HPN: variants seen among roughly 807,000 people sequenced by gnomAD.
The protein encoded by HPN is hepsin.
In HPN, 13 loss-of-function variants were observed where a neutral mutation model predicts 55.9. The observed-to-expected ratio is 0.23, with a 90% confidence interval of 0.15 to 0.37. HPN has a LOEUF of 0.37. Ranked by LOEUF, HPN falls within the 10% of genes least tolerant of loss-of-function variation. The pLI is 1.00. For synonymous variants in HPN, 225 were observed against 240.3 expected, an observed-to-expected ratio of 0.94 and a Z score of 0.59; for missense variants, 451 against 575.8, an observed-to-expected ratio of 0.78 and a Z score of 2.22.
At chr19:35,052,397 G>A (rs542599416) in intron 4 of HPN, among the ~76,000 whole-genome samples, 29 of 151,884 alleles carry the variant, frequency 1.9e-4, no homozygotes, top group South Asian at 2.1e-4. Flanking sequence ...GCGTGGTGGC[G>A]GGCGCCTGTA....
At chr19:35,062,206 G>A (rs2064543698) in intron 9 of HPN, among the ~76,000 whole-genome samples, 1 of 152,186 alleles carries the variant, frequency 6.6e-6, no homozygotes, top group Non-Finnish European at 1.5e-5. Context: ...GGTGGGAGGT[G>A]GGGATGGGAG....
chr19:35,049,123 G>A lies in HPN; in HGVS notation c.17-167G>A, dbSNP rs544270508. ...GGGCACCTGGTTGTTCACACGGCAG[G>A]GGAGGAACAGCCCTGTCAACTGCTG... On this transcript the variant is annotated intron_variant, in intron 2 of 12. Coordinates refer to ENST00000672452, the MANE Select transcript of HPN (RefSeq NM_001384133.1). 1.8e-5 allele frequency: 8 copies of A among 449,538 alleles called. No individual in the cohort carries two copies. In the Admixed American group the frequency reaches 2.9e-4, roughly 16 times the overall value. 27.8% of individuals were successfully genotyped at this position (449,538 alleles called of 1,614,324 possible). A position where few individuals can be genotyped will look rare whatever the true frequency, so the allele number is the denominator to read the frequency against.
chr19:35,049,389 T>C lies in HPN; in HGVS notation c.116T>C (p.Ile39Thr), dbSNP rs1316245120. 1.2e-6 allele frequency: 2 copies of C among 1,605,580 alleles called. No individual in the cohort carries two copies. Among genetic ancestry groups the C allele is most frequent in the East Asian group, 2.2e-5 (1 of 44,714 alleles). ...GCCATCGGGGCGGCATCCTGGGCCA[T>C]TGGTGAGAGCGGTTCCTGTGCCTCT... Reference protein sequence around the residue: ...LTAIGAASWAIVAVLLRSDQE... With the variant: ...LTAIGAASWATVAVLLRSDQE... Residue 39 changes from isoleucine (I) to threonine (T), a missense_variant and splice_region_variant, in exon 3 of 13, where the codon ATT (isoleucine) becomes ACT (threonine). Ile to Thr is a moderately conservative substitution (Grantham distance 89). Coordinates refer to ENST00000672452, the MANE Select transcript of HPN (RefSeq NM_001384133.1).
rs1031505999 is a variant in HPN at position 35,066,466 on chromosome 19, C to T, written c.*179C>T. On this transcript the variant is annotated 3_prime_UTR_variant, in exon 13 of 13. Transcript: ENST00000672452. ...CCCACTCAGCCCCGAGACCACCCAA[C>T]CTCACCCTCCTGACCCCCATGTAAA... The T allele has an allele frequency of 1.4e-6, 1 of 712,252 alleles. No individual in the cohort carries two copies. Among genetic ancestry groups the T allele is most frequent in the African/African-American group, 1.8e-5 (1 of 56,032 alleles). 44.1% of individuals were successfully genotyped at this position (712,252 alleles called of 1,614,324 possible).
In HPN at chr19:35,042,488, A is replaced by G. The variant is rs2064304020; in HGVS notation, c.-19A>G. The G allele has an allele frequency of 6.2e-7, 1 of 1,607,414 alleles. No individual in the cohort carries two copies. The stretch of plus-strand genomic sequence containing the variant: ...GGCCCAGGAGGTCAGCCAGGGAATC[A>G]TTAACAAGAGGCAGTGACATGGCGC... On this transcript the variant is annotated 5_prime_UTR_variant, in exon 2 of 13. Transcript: ENST00000672452.
chr19:35,057,713 G>C (rs2151762768), intron 4 of HPN, among the ~76,000 whole-genome samples: 1 of 152,238 alleles, frequency 6.6e-6, no homozygotes, highest in South Asian at 2.1e-4. Context: ...CTTGAACATT[G>C]CTAAAAGATA....
At chr19:35,042,088 G>A in intron 1 of HPN, 1 of 1,121,772 alleles carries the variant, frequency 8.9e-7, no homozygotes, top group Non-Finnish European at 1.1e-6. Flanking sequence ...AGACCCAGGA[G>A]TTCCAGCCCT....
At chr19:35,059,434 A>G (rs2064497380) in intron 4 of HPN, 3 of 654,030 alleles carry the variant, frequency 4.6e-6, no homozygotes, top group East Asian at 5.9e-5. Flanking sequence ...GTGAGCCAAG[A>G]TCACACCACT....
chr19:35,047,291 G>C (rs928109926), intron 2 of HPN, among the ~76,000 whole-genome samples: 1 of 152,222 alleles, frequency 6.6e-6, no homozygotes. Context: ...TGACATAAGA[G>C]AGCCTGCTTA....
At chr19:35,047,090 A>G (rs939425467) in intron 2 of HPN, among the ~76,000 whole-genome samples, 10 of 151,900 alleles carry the variant, frequency 6.6e-5, no homozygotes, top group Non-Finnish European at 1.3e-4. Context: ...GGCCTCCCAA[A>G]GTGCTGGGAT....
chr19:35,051,300 G>T lies in HPN; in HGVS notation c.160+1784G>T, dbSNP rs368932162. Among the ~76,000 whole-genome samples the T allele has an allele frequency of 9.1e-4, 139 of 152,072 alleles. 2 individuals are homozygous for T. The South Asian group carries it at 0.027, about 30-fold the overall frequency. On this transcript the variant is annotated intron_variant, in intron 4 of 12. Transcript: ENST00000672452. Reference sequence around the variant, plus strand: ...ATTTTTGTATTTTTAGTAGAGGCGGGGTTTCACCATGTTGGCCAGGATGGT... The same window carrying T: ...ATTTTTGTATTTTTAGTAGAGGCGGTGTTTCACCATGTTGGCCAGGATGGT...
At chr19:35,048,082 A>AAGAAAGAAAGAAAAAAAAGG (rs111546288) in intron 2 of HPN, among the ~76,000 whole-genome samples, 1 of 96,984 alleles carries the variant, frequency 1.0e-5, no homozygotes, top group South Asian at 3.6e-4. Flanking sequence ...GAAAGAAAGA[A>AAGAAAGAAAGAAAAAAAAGG]AAGGAAGGAA....
In HPN at chr19:35,042,604, C is replaced by T. The variant is rs559755474; in HGVS notation, c.16+82C>T. ...GCTCTTTTCTCTACCCTCTACTCTT[C>T]GGAGCCCCCTCTCTCTGGGCACCCC... On this transcript the variant is annotated intron_variant, in intron 2 of 12. Coordinates refer to ENST00000672452, the MANE Select transcript of HPN (RefSeq NM_001384133.1). 329 of 1,200,976 alleles carry T rather than the reference C, an allele frequency of 2.7e-4. 3 individuals are homozygous for T. The South Asian group carries it at 3.0e-3, about 11-fold the overall frequency. 74.4% of individuals were successfully genotyped at this position (1,200,976 alleles called of 1,614,324 possible).
chr19:35,056,048 C>A (rs913473545), intron 4 of HPN, among the ~76,000 whole-genome samples: 1 of 152,174 alleles, frequency 6.6e-6, no homozygotes, highest in Admixed American at 6.5e-5. Context: ...CCCAGTCCCC[C>A]ACACCAGCCT....
chr19:35,046,751 G>A (rs1289518830), intron 2 of HPN, among the ~76,000 whole-genome samples: 1 of 152,268 alleles, frequency 6.6e-6, no homozygotes, highest in Non-Finnish European at 1.5e-5. Context: ...CCCAGCTGAA[G>A]GCTTTCAGCA....
chr19:35,063,633 C>T (rs1040072387), intron 9 of HPN, among the ~76,000 whole-genome samples: 3 of 152,210 alleles, frequency 2.0e-5, no homozygotes, highest in Admixed American at 2.0e-4. Flanking sequence ...CACTTGAACC[C>T]AGGAGGTGGA....
chr19:35,045,535 A>AG (rs1379639840), intron 2 of HPN, among the ~76,000 whole-genome samples: 1 of 151,930 alleles, frequency 6.6e-6, no homozygotes, highest in Admixed American at 6.6e-5. Flanking sequence ...AGGCATCCAG[A>AG]GGGGCCTGGA....
At chr19:35,041,013 C>T (rs573605882), upstream of HPN, among the ~76,000 whole-genome samples, 60 of 152,324 alleles carry the variant, frequency 3.9e-4, no homozygotes, top group Non-Finnish European at 7.8e-4. Flanking sequence ...CTGGTGTTTA[C>T]CTGGCCCTGG....
intron 4 of HPN, chr19:35,059,302 C>G: frequency 2.7e-6 from 1 of 366,196 alleles, no homozygotes; most frequent in South Asian, 2.1e-5. Context: ...CTCTACAAAA[C>G]AAAACAAAAC....
Sources: gnomAD v4.1 joint callset for allele counts (sites outside exome capture counted in the v4.1 genomes callset) on GRCh38, gnomAD v4.1.1 for gene constraint, MANE v1.5 for transcripts, NCBI Gene and HGNC (gene_info 2026-07-23, HGNC 2026-07-21) for gene names.